Variants in EGFLAM observed in about 807,000 individuals in gnomAD.
EGFLAM encodes the protein EGF like, fibronectin type III and laminin G domains, also known as pikachurin.
In EGFLAM, 79 loss-of-function variants were observed where a neutral mutation model predicts 113.1. The observed-to-expected ratio is 0.70, with a 90% confidence interval of 0.58 to 0.84. EGFLAM has a LOEUF of 0.84. EGFLAM is among the 40% of genes least tolerant of loss of function. The pLI, the probability that EGFLAM is intolerant of heterozygous loss-of-function variation, is 0.00. For synonymous variants in EGFLAM, 504 were observed against 487.6 expected, an observed-to-expected ratio of 1.03 and a Z score of -0.44; for missense variants, 1,265 against 1,291.6, an observed-to-expected ratio of 0.98 and a Z score of 0.32.
At chr5:38,411,396 C>A (rs868209268) in intron 10 of EGFLAM, among the ~76,000 whole-genome samples, 4 of 152,078 alleles carry the variant, frequency 2.6e-5, no homozygotes, top group African/African-American at 4.8e-5. Flanking sequence ...CCACTGGACT[C>A]CAGCCTGGGC....
chr5:38,441,958 T>C (rs941236933), intron 17 of EGFLAM, among the ~76,000 whole-genome samples: 2 of 152,170 alleles, frequency 1.3e-5, no homozygotes, highest in African/African-American at 2.4e-5. Context: ...CAATAGCTGT[T>C]GAGACAAAGC....
chr5:38,316,546 A>T (rs1191734904), intron 1 of EGFLAM, among the ~76,000 whole-genome samples: 1 of 152,214 alleles, frequency 6.6e-6, no homozygotes, highest in Non-Finnish European at 1.5e-5. Context: ...AGCTCCAAGA[A>T]CTGCTACTGA....
chr5:38,395,923 A>G lies in EGFLAM; in HGVS notation c.713-10203A>G, dbSNP rs370148855. On this transcript the variant is annotated intron_variant, in intron 6 of 21. Coordinates refer to ENST00000322350, the MANE Select transcript of EGFLAM (RefSeq NM_152403.4). ...TTCATCTTTGCTTTTCTAGCAGATC[A>G]TCCCCATAAGGACACAAACGTGTGT... is the stretch of plus-strand genomic sequence containing the variant. Among the ~76,000 whole-genome samples the G allele has an allele frequency of 7.2e-4, 110 of 152,236 alleles. 1 individual carries two copies. The highest frequency in any genetic ancestry group is 1.0e-3 in the South Asian group (5 of 4,824).
chr5:38,379,681 T>G (rs1740459812), intron 6 of EGFLAM, among the ~76,000 whole-genome samples: 2 of 151,980 alleles, frequency 1.3e-5, no homozygotes, highest in African/African-American at 4.8e-5. Flanking sequence ...TGGGGGGACA[T>G]TTCCTGAACT....
intron 1 of EGFLAM, among the ~76,000 whole-genome samples, chr5:38,309,583 A>T (rs970904880): frequency 2.0e-5 from 3 of 152,156 alleles, no homozygotes; most frequent in African/African-American, 7.2e-5. Flanking sequence ...CCCCATACTG[A>T]GAAGCCCACA....
chr5:38,266,596 G>T (rs1416839620), intron 1 of EGFLAM, among the ~76,000 whole-genome samples: 1 of 152,138 alleles, frequency 6.6e-6, no homozygotes, highest in African/African-American at 2.4e-5. Context: ...AGGTATTAAG[G>T]TATGGTTACA....
chr5:38,376,260 T>C (rs1740361087), intron 6 of EGFLAM, among the ~76,000 whole-genome samples: 1 of 152,196 alleles, frequency 6.6e-6, no homozygotes, highest in Non-Finnish European at 1.5e-5. Flanking sequence ...AGGACATGAA[T>C]GGTAAATAAT....
At chr5:38,264,252 A>C (rs1175409491) in intron 1 of EGFLAM, among the ~76,000 whole-genome samples, 1 of 152,128 alleles carries the variant, frequency 6.6e-6, no homozygotes, top group African/African-American at 2.4e-5. Flanking sequence ...GGTCAGTCGA[A>C]GAAGGTCAAG....
At chr5:38,352,401 C>A (rs1331707220) in intron 5 of EGFLAM, 70 bp downstream of exon 5, 25 of 1,581,670 alleles carry the variant, frequency 1.6e-5, no homozygotes, top group Non-Finnish European at 2.2e-5. Flanking sequence ...GTAATCCCAG[C>A]ACTTTGGCAG....
At chr5:38,295,928 T>C (rs1758443550) in intron 1 of EGFLAM, among the ~76,000 whole-genome samples, 1 of 152,216 alleles carries the variant, frequency 6.6e-6, no homozygotes, top group Non-Finnish European at 1.5e-5. Flanking sequence ...TTAGGATTAG[T>C]GCTATTTAAA....
At chr5:38,278,284 T>A (rs1115972) in intron 1 of EGFLAM, among the ~76,000 whole-genome samples, 10 of 151,938 alleles carry the variant, frequency 6.6e-5, no homozygotes, top group Non-Finnish European at 1.3e-4. Context: ...AGAACACTCA[T>A]TAGGGAAAGG....
rs567954049 is a variant in EGFLAM, at chr5:38,300,140, G to A, written c.98-37380G>A. Among the ~76,000 whole-genome samples the A allele has an allele frequency of 2.6e-5, 4 of 152,304 alleles. No individual in the cohort carries two copies. The East Asian group carries it at 7.7e-4, about 29-fold the overall frequency. ...CACTGAGAAGGTTAAACAGTTAAAG[G>A]AAGTGAGGTAGTCAGCAATATGAAG... is the stretch of plus-strand genomic sequence containing the variant. On this transcript the variant is annotated intron_variant, in intron 1 of 21. Coordinates refer to ENST00000322350, the MANE Select transcript of EGFLAM (RefSeq NM_152403.4).
intron 3 of EGFLAM, among the ~76,000 whole-genome samples, chr5:38,350,162 A>T (rs1288437033): frequency 6.6e-6 from 1 of 152,174 alleles, no homozygotes; most frequent in Non-Finnish European, 1.5e-5. Flanking sequence ...GGAACTGGGG[A>T]ATTACAGCCT....
intron 9 of EGFLAM, 113 bp from the exon 10 acceptor site, chr5:38,408,891 A>G (rs1741378714): frequency 2.3e-6 from 2 of 881,622 alleles, no homozygotes; most frequent in Non-Finnish European, 3.7e-6. Flanking sequence ...CCCTTTGTAG[A>G]TAGGATCGTG....
chr5:38,304,583 A>T (rs1172927011), intron 1 of EGFLAM, among the ~76,000 whole-genome samples: 1 of 152,228 alleles, frequency 6.6e-6, no homozygotes, highest in South Asian at 2.1e-4. Flanking sequence ...AAACATAATG[A>T]TATTGATATT....
intron 9 of EGFLAM, among the ~76,000 whole-genome samples, chr5:38,408,155 A>T (rs1402593132): frequency 6.6e-6 from 1 of 152,192 alleles, no homozygotes; most frequent in Non-Finnish European, 1.5e-5. Flanking sequence ...TGGCATGAAG[A>T]TTGCAAGTGA....
At chr5:38,353,739 C>T (rs925124865) in intron 5 of EGFLAM, among the ~76,000 whole-genome samples, 1 of 152,162 alleles carries the variant, frequency 6.6e-6, no homozygotes, top group Admixed American at 6.6e-5. Context: ...GAGGCTAGAT[C>T]CGTGTCAATT....
intron 6 of EGFLAM, among the ~76,000 whole-genome samples, chr5:38,377,671 G>T (rs569979447): frequency 6.6e-6 from 1 of 152,112 alleles, no homozygotes; most frequent in East Asian, 1.9e-4. Context: ...GGCAAGGTTC[G>T]CAGGCAAAAG....
rs375845039 is a variant in EGFLAM, at chr5:38,349,779, A to G, written c.292-722A>G. ...GTGCAGGGGAAGTACACACGCACAC[A>G]CACACACACACACACACACACACAC... On this transcript the variant is annotated intron_variant, in intron 3 of 21. Transcript: ENST00000322350. Among the ~76,000 whole-genome samples, 1,393 of 142,504 alleles carry G rather than the reference A, an allele frequency of 9.8e-3. 16 individuals are homozygous for G. Among genetic ancestry groups the G allele is most frequent in the Middle Eastern group, 0.035 (10 of 284 alleles). The allele number at this position is 142,504 out of a possible 152,430, so 93.5% of individuals were successfully genotyped here. A position where few individuals can be genotyped will look rare whatever the true frequency, so the allele number is the denominator to read the frequency against.
Sources: gnomAD v4.1 joint callset for allele counts (sites outside exome capture counted in the v4.1 genomes callset) on GRCh38, gnomAD v4.1.1 for gene constraint, MANE v1.5 for transcripts, NCBI Gene and HGNC (gene_info 2026-07-23, HGNC 2026-07-21) for gene names.